The following CNTNAP5 variants were observed in gnomAD, a reference collection of about 807,000 sequenced individuals.
CNTNAP5 encodes contactin associated protein family member 5, also known as contactin-associated protein-like 5.
In CNTNAP5, 72 loss-of-function variants were observed where a neutral mutation model predicts 150.2. That is an observed-to-expected ratio of 0.48 (90% CI 0.40 to 0.58). The LOEUF (loss-of-function observed/expected upper bound fraction) is 0.58. Among genes scored for constraint, CNTNAP5 ranks in the 20% least tolerant of loss-of-function variants. CNTNAP5 has a pLI of 0.00. For synonymous variants in CNTNAP5, 672 were observed against 619.8 expected (o/e 1.08, Z -1.25); for missense variants, 1,636 against 1,626.2 (o/e 1.01, Z -0.10).
chr2:124,559,553 G>A (rs912053089), intron 10 of CNTNAP5, among the ~76,000 whole-genome samples: 1 of 152,198 alleles, frequency 6.6e-6, no homozygotes, highest in East Asian at 1.9e-4. Flanking sequence ...GAAGACAGAT[G>A]TTCAATGTGT....
chr2:124,168,731 A>G (rs561516246), intron 1 of CNTNAP5, among the ~76,000 whole-genome samples: 1 of 152,312 alleles, frequency 6.6e-6, no homozygotes, highest in African/African-American at 2.4e-5. Flanking sequence ...CTTCTGTATA[A>G]AAATATAGAG....
At chr2:124,654,725 C>T (rs1324299342) in intron 13 of CNTNAP5, among the ~76,000 whole-genome samples, 3 of 151,726 alleles carry the variant, frequency 2.0e-5, no homozygotes, top group African/African-American at 7.3e-5. Context: ...TTCTTAATTC[C>T]CTCTTTCTTT....
At chr2:124,443,085 A>G (rs1051892976) in intron 5 of CNTNAP5, among the ~76,000 whole-genome samples, 1 of 152,096 alleles carries the variant, frequency 6.6e-6, no homozygotes, top group Non-Finnish European at 1.5e-5. Context: ...AATGAACGCT[A>G]CAAATACGCT....
At chr2:124,293,184 T>C (rs1343424398) in intron 3 of CNTNAP5, among the ~76,000 whole-genome samples, 2 of 152,074 alleles carry the variant, frequency 1.3e-5, no homozygotes, top group South Asian at 2.1e-4. Context: ...TCATCTCTCA[T>C]ATGGTGTTTA....
At chr2:124,412,414 A>C (rs1227232124) in intron 3 of CNTNAP5, among the ~76,000 whole-genome samples, 3 of 147,174 alleles carry the variant, frequency 2.0e-5, no homozygotes, top group African/African-American at 7.3e-5. Flanking sequence ...AAGAGCCCGC[A>C]TTGCCAAGGC....
chr2:124,040,621 CTGTGTGTGTGTG>C (rs58364625), intron 1 of CNTNAP5, among the ~76,000 whole-genome samples: 48 of 145,148 alleles, frequency 3.3e-4, no homozygotes, highest in African/African-American at 1.1e-3. Context: ...CTGTATGCCT[CTGTGTGTGTGTG>C]TGTGTGTGTG....
intron 1 of CNTNAP5, among the ~76,000 whole-genome samples, chr2:124,195,435 C>T (rs1172914624): frequency 1.3e-5 from 2 of 152,166 alleles, no homozygotes; most frequent in Non-Finnish European, 2.9e-5. Flanking sequence ...GGCTCTCTTG[C>T]AATACTCAAC....
At chr2:124,056,352 C>T (rs1217061022) in intron 1 of CNTNAP5, among the ~76,000 whole-genome samples, 6 of 152,108 alleles carry the variant, frequency 3.9e-5, no homozygotes, top group African/African-American at 7.2e-5. Flanking sequence ...TGGCCAGGCA[C>T]GGTGGCTCAC....
intron 3 of CNTNAP5, among the ~76,000 whole-genome samples, chr2:124,264,691 G>A (rs1207809555): frequency 6.6e-6 from 1 of 152,162 alleles, no homozygotes; most frequent in Non-Finnish European, 1.5e-5. Context: ...AAGGTAGGAG[G>A]GTCCTGGCTG....
intron 3 of CNTNAP5, among the ~76,000 whole-genome samples, chr2:124,274,932 C>T (rs1183645651): frequency 2.0e-5 from 3 of 152,044 alleles, no homozygotes; most frequent in African/African-American, 7.2e-5. Flanking sequence ...TAAAGACATA[C>T]CAGAGACTGG....
chr2:124,487,086 T>C (rs190943518), intron 7 of CNTNAP5, among the ~76,000 whole-genome samples: 86 of 152,280 alleles, frequency 5.6e-4, no homozygotes, highest in African/African-American at 1.6e-3. Context: ...TAACAGTACA[T>C]CCACCCATGG....
intron 12 of CNTNAP5, among the ~76,000 whole-genome samples, chr2:124,632,770 A>G (rs992409982): frequency 2.6e-5 from 4 of 152,162 alleles, no homozygotes; most frequent in African/African-American, 9.7e-5. Flanking sequence ...TATTTTTAAA[A>G]AGAGGTTTCA....
chr2:124,155,513 A>C (rs1248195849), intron 1 of CNTNAP5, among the ~76,000 whole-genome samples: 2 of 152,084 alleles, frequency 1.3e-5, no homozygotes, highest in African/African-American at 2.4e-5. Flanking sequence ...CGGCTGACTT[A>C]AAGTAAACCT....
chr2:124,434,963 AC>A (rs1294724169), intron 5 of CNTNAP5, among the ~76,000 whole-genome samples: 1 of 152,208 alleles, frequency 6.6e-6, no homozygotes, highest in Non-Finnish European at 1.5e-5. Context: ...CTCTAAAAAA[AC>A]TTTCACAAGT....
intron 11 of CNTNAP5, among the ~76,000 whole-genome samples, chr2:124,587,423 T>G (rs1264804631): frequency 6.6e-6 from 1 of 152,220 alleles, no homozygotes; most frequent in Non-Finnish European, 1.5e-5. Flanking sequence ...ATATTTTTCT[T>G]TGATGTCTGA....
chr2:124,498,006 T>G (rs1057260538), intron 7 of CNTNAP5, among the ~76,000 whole-genome samples: 8 of 152,248 alleles, frequency 5.3e-5, no homozygotes, highest in South Asian at 4.1e-4. Context: ...ATGACACTCC[T>G]GTCCATCAGT....
At chr2:124,870,661 A>C (rs764151467) in intron 21 of CNTNAP5, among the ~76,000 whole-genome samples, 1 of 152,122 alleles carries the variant, frequency 6.6e-6, no homozygotes, top group African/African-American at 2.4e-5. Flanking sequence ...TTAATAACTC[A>C]ATGCATGGTA....
chr2:124,701,619 T>C (rs1333789247), intron 13 of CNTNAP5, among the ~76,000 whole-genome samples: 1 of 152,150 alleles, frequency 6.6e-6, no homozygotes, highest in African/African-American at 2.4e-5. Context: ...TCTAGAACAA[T>C]CTACATTCCT....
intron 20 of CNTNAP5, among the ~76,000 whole-genome samples, chr2:124,866,086 A>G (rs1677626225): frequency 3.3e-5 from 5 of 151,754 alleles, no homozygotes; most frequent in Admixed American, 3.3e-4. Flanking sequence ...ACATGGCAAA[A>G]CCCCATCAAT....
Sources: allele counts gnomAD v4.1 joint callset (sites outside exome capture counted in the v4.1 genomes callset), GRCh38; gene constraint gnomAD v4.1.1; transcripts MANE v1.5; gene names NCBI Gene and HGNC (gene_info 2026-07-23, HGNC 2026-07-21).